Variants in CHD9 observed in about 807,000 individuals in gnomAD.
The protein encoded by CHD9 is chromodomain helicase DNA binding protein 9.
In CHD9, 77 loss-of-function variants were observed where a neutral mutation model predicts 316.1. That is an observed-to-expected ratio of 0.24 (90% CI 0.20 to 0.29). CHD9 has a LOEUF of 0.29. Among genes scored for constraint, CHD9 ranks in the 10% least tolerant of loss-of-function variants. The pLI, the probability that CHD9 is intolerant of heterozygous loss-of-function variation, is 1.00. For missense variants in CHD9, 2,763 were observed against 3,438.1 expected (o/e 0.80, Z 4.91); for synonymous variants, 1,129 against 1,158.3 (o/e 0.97, Z 0.51).
At chr16:53,116,208 T>C (rs2038291469) in intron 1 of CHD9, among the ~76,000 whole-genome samples, 1 of 152,170 alleles carries the variant, frequency 6.6e-6, no homozygotes. Context: ...TACAGGCGCA[T>C]GCCACTACAT....
chr16:53,211,948 T>G (rs2046365921), intron 3 of CHD9, among the ~76,000 whole-genome samples: 1 of 152,222 alleles, frequency 6.6e-6, no homozygotes, highest in Non-Finnish European at 1.5e-5. Context: ...TTCAGTTGCA[T>G]CATTTCAACT....
rs1460763562 is a variant in CHD9, at chr16:53,156,635, C to G, written c.546C>G (p.Asn182Lys). 6.2e-7 allele frequency: 1 copy of G among 1,613,820 alleles called. No individual in the cohort carries two copies. Among genetic ancestry groups the G allele is most frequent in the East Asian group, 2.2e-5 (1 of 44,896 alleles). The change falls in exon 2 of 39, where the codon AAC becomes AAG. Residue 182 changes from asparagine (N) to lysine (K), a missense_variant. Asn to Lys is a moderately conservative substitution (Grantham distance 94). Coordinates refer to ENST00000447540, the MANE Select transcript of CHD9 (RefSeq NM_001308319.2). ...GTACTTCACTACGCTCACAACAAAA[C>G]AGAAATAATCTCAACCCAGGGCAGA... is the stretch of plus-strand genomic sequence containing the variant. ...TQCTSLRSQQ[N>K]RNNLNPGQNS...
intron 38 of CHD9, among the ~76,000 whole-genome samples, chr16:53,322,820 A>G (rs913416614): frequency 1.3e-5 from 2 of 152,130 alleles, no homozygotes; most frequent in African/African-American, 4.8e-5. Context: ...GGTGGGGGGA[A>G]TTATAGAATG....
At chr16:53,290,528 G>A (rs1403200227) in intron 27 of CHD9, among the ~76,000 whole-genome samples, 2 of 151,828 alleles carry the variant, frequency 1.3e-5, no homozygotes, top group African/African-American at 2.4e-5. Flanking sequence ...AGTGGCTCAT[G>A]CCTGTAATCC....
intron 1 of CHD9, among the ~76,000 whole-genome samples, chr16:53,084,559 A>T (rs2035299541): frequency 6.6e-6 from 1 of 152,208 alleles, no homozygotes; most frequent in African/African-American, 2.4e-5. Context: ...CCTGGCCAAT[A>T]TGGTGAAACC....
At chr16:53,282,345 A>G (rs2053489548) in intron 24 of CHD9, among the ~76,000 whole-genome samples, 1 of 152,200 alleles carries the variant, frequency 6.6e-6, no homozygotes, top group South Asian at 2.1e-4. Flanking sequence ...CACAGTGACC[A>G]GTCCTGTAAT....
At position 53,304,368 on chromosome 16, in the gene CHD9, C is replaced by T. The variant is rs754879647; in HGVS notation, c.6362C>T (p.Pro2121Leu). The change falls in exon 31 of 39, where the codon CCA becomes CTA. Residue 2121 changes from proline (P) to leucine (L), a missense_variant. By Grantham distance (98) the Pro-to-Leu change is moderately conservative (BLOSUM62 -3). Coordinates refer to ENST00000447540, the MANE Select transcript of CHD9 (RefSeq NM_001308319.2). The part of the protein sequence containing the change: ...PLTPNPASKK[P>L]RVHKRGSESS... ...ACTCCAAACCCAGCTTCTAAGAAAC[C>T]AAGAGTCCACAAAAGGGGATCAGAA... The T allele has an allele frequency of 1.2e-6, 2 of 1,613,174 alleles. No individual in the cohort carries two copies. The highest frequency in any genetic ancestry group is 2.7e-5 in the African/African-American group (2 of 74,896).
intron 2 of CHD9, among the ~76,000 whole-genome samples, chr16:53,166,349 A>G (rs548396815): frequency 6.6e-6 from 1 of 152,242 alleles, no homozygotes. Context: ...AGTAAATTCC[A>G]GGAGTGTGGA....
chr16:53,204,898 C>T (rs537991475), intron 2 of CHD9, among the ~76,000 whole-genome samples: 9 of 151,654 alleles, frequency 5.9e-5, no homozygotes, highest in East Asian at 1.9e-4. Flanking sequence ...GGCTAGAGTA[C>T]GGTGGCATGA....
intron 19 of CHD9, among the ~76,000 whole-genome samples, chr16:53,260,583 G>A (rs1225889727): frequency 6.6e-6 from 1 of 152,162 alleles, no homozygotes; most frequent in African/African-American, 2.4e-5. Context: ...CAAAGCCCAT[G>A]AGGTTCATGG....
Position 53,157,471 on chromosome 16 carries a change from G to A in CHD9, c.1382G>A (p.Arg461Gln), listed in dbSNP as rs201750862. ...CAGACTCAGTTGCAAAGTCAGGCTC[G>A]GAGTTGGCATTCATCATTTTCTAAT... ...MAQTQLQSQARSWHSSFSNHQ... is the reference protein window; with the variant it reads ...MAQTQLQSQAQSWHSSFSNHQ... The change falls in exon 2 of 39, where the codon CGG becomes CAG. Residue 461 changes from arginine (R) to glutamine (Q), a missense_variant. Arg to Gln is a conservative substitution (Grantham distance 43, BLOSUM62 1). This residue lies in a region of CHD9 where 859 missense variants were observed against 890.4 expected (regional missense o/e 0.96). Transcript: ENST00000447540. The A allele has an allele frequency of 2.5e-5, 40 of 1,613,778 alleles. No homozygotes were observed. Among genetic ancestry groups the A allele is most frequent in the African/African-American group, 2.0e-4 (15 of 74,918 alleles).
At chr16:53,082,076 C>T (rs1027267822) in intron 1 of CHD9, among the ~76,000 whole-genome samples, 4 of 152,168 alleles carry the variant, frequency 2.6e-5, no homozygotes, top group Non-Finnish European at 4.4e-5. Flanking sequence ...GTCACTTTGT[C>T]TCAGGCTCTG....
chr16:53,063,153 A>G (rs1216090144), intron 1 of CHD9, among the ~76,000 whole-genome samples: 1 of 152,126 alleles, frequency 6.6e-6, no homozygotes, highest in Non-Finnish European at 1.5e-5. Flanking sequence ...CAAATCATTC[A>G]ATTAATCCTC....
intron 1 of CHD9, among the ~76,000 whole-genome samples, chr16:53,089,107 G>C (rs1303102996): frequency 6.6e-6 from 1 of 151,018 alleles, no homozygotes; most frequent in Non-Finnish European, 1.5e-5. Flanking sequence ...GTGAGACTCT[G>C]TCTCAAAAAA....
intron 19 of CHD9, among the ~76,000 whole-genome samples, chr16:53,259,683 T>C (rs1038708259): frequency 2.0e-5 from 3 of 152,150 alleles, no homozygotes; most frequent in Non-Finnish European, 4.4e-5. Context: ...CAGTTAATTT[T>C]TTGATTTTTT....
At chr16:53,307,985 T>C in intron 33 of CHD9, 32 bp downstream of exon 33, 1 of 1,543,474 alleles carries the variant, frequency 6.5e-7, no homozygotes, top group Non-Finnish European at 8.8e-7. Context: ...TAGGGCCTGA[T>C]TGCGATTGCG....
intron 2 of CHD9, among the ~76,000 whole-genome samples, chr16:53,195,233 G>T (rs1291823567): frequency 1.3e-5 from 2 of 152,190 alleles, no homozygotes; most frequent in Admixed American, 1.3e-4. Flanking sequence ...TAGTCACTAT[G>T]CTTGGTCATC....
intron 24 of CHD9, among the ~76,000 whole-genome samples, chr16:53,283,599 T>G (rs2053603845): frequency 1.3e-5 from 2 of 152,214 alleles, no homozygotes; most frequent in Non-Finnish European, 2.9e-5. Flanking sequence ...CCAGTGTTCT[T>G]TCCTGTTTCC....
intron 24 of CHD9, among the ~76,000 whole-genome samples, chr16:53,285,086 C>T (rs138782369): frequency 2.2e-4 from 34 of 152,214 alleles, no homozygotes; most frequent in East Asian, 2.1e-3. Context: ...GTGTTTCAAT[C>T]AAATTATGAA....
Sources: allele counts gnomAD v4.1 joint callset (sites outside exome capture counted in the v4.1 genomes callset), GRCh38; gene constraint gnomAD v4.1.1; regional missense constraint gnomAD v4.1.1; transcripts MANE v1.5; gene names NCBI Gene and HGNC (gene_info 2026-07-23, HGNC 2026-07-21).